ARHGAP17: variants seen among roughly 807,000 people sequenced by gnomAD.
The protein encoded by ARHGAP17 is Rho GTPase activating protein 17.
Under a neutral mutation model 99.5 loss-of-function variants are expected in ARHGAP17, and 57 were observed. The ratio of observed to expected loss-of-function variants is 0.57; its 90% confidence interval spans 0.46 to 0.71. ARHGAP17 has a LOEUF of 0.71. ARHGAP17 is among the 30% of genes least tolerant of loss of function. The pLI is 0.00. For missense variants in ARHGAP17, 1,000 were observed against 1,122.4 expected (o/e 0.89, Z 1.56); for synonymous variants, 417 against 429.6 (o/e 0.97, Z 0.36).
chr16:24,968,638 G>T, intron 5 of ARHGAP17, 23 bp downstream of exon 5: 1 of 1,612,198 alleles, frequency 6.2e-7, no homozygotes, highest in South Asian at 1.1e-5. Flanking sequence ...CGGCTCTTCC[G>T]TGCTGCACGG....
At chr16:24,932,680 C>A (rs1259483804) in intron 18 of ARHGAP17, among the ~76,000 whole-genome samples, 1 of 152,066 alleles carries the variant, frequency 6.6e-6, no homozygotes, top group Non-Finnish European at 1.5e-5. Flanking sequence ...AGAATTATTT[C>A]TCTAAAGAGA....
chr16:24,973,937 G>A (rs2052441854), intron 3 of ARHGAP17, among the ~76,000 whole-genome samples: 1 of 152,224 alleles, frequency 6.6e-6, no homozygotes, highest in African/African-American at 2.4e-5. Flanking sequence ...TTATGTGGCT[G>A]GCACAGGGTG....
intron 1 of ARHGAP17, among the ~76,000 whole-genome samples, chr16:25,008,828 G>T (rs567709317): frequency 2.0e-5 from 3 of 152,206 alleles, no homozygotes; most frequent in East Asian, 3.9e-4. Context: ...CATTTTTATG[G>T]TTTTAGAGTT....
At chr16:24,995,201 A>C (rs2053159323) in intron 1 of ARHGAP17, among the ~76,000 whole-genome samples, 2 of 152,212 alleles carry the variant, frequency 1.3e-5, no homozygotes, top group Admixed American at 1.3e-4. Flanking sequence ...TGGGAACTAC[A>C]ATTCAAGATG....
At chr16:24,970,704 T>C (rs2052337377) in intron 3 of ARHGAP17, 124 bp from the exon 4 acceptor site, 1 of 848,994 alleles carries the variant, frequency 1.2e-6, no homozygotes, top group African/African-American at 1.7e-5. Context: ...AGACAGCCTG[T>C]CTGGGTTCAG....
At position 24,939,536 on chromosome 16, in the gene ARHGAP17, GCTTT is replaced by G. The variant is rs756167651; in HGVS notation, c.1548_1551del (p.Arg516SerfsTer81). The G allele has an allele frequency of 1.9e-6, 3 of 1,608,488 alleles. No individual in the cohort carries two copies. Among genetic ancestry groups the G allele is most frequent in the Admixed American group, 1.7e-5 (1 of 58,896 alleles). ...GGCGGCTGGAAAGCGGGGGATATGT[GCTTT>G]CTATTTAGAGTGCCACCCCGCCGGT... On this transcript the variant is annotated frameshift_variant, in exon 17 of 20. Coordinates refer to ENST00000289968, the MANE Select transcript of ARHGAP17 (RefSeq NM_001006634.3). LOFTEE classifies it high-confidence loss of function.
chr16:24,941,917 A>T lies in ARHGAP17; in HGVS notation c.1490+70T>A, dbSNP rs1176126102. 6.8e-6 allele frequency: 11 copies of T among 1,606,302 alleles called. No homozygotes were observed. In the African/African-American group the frequency reaches 1.3e-4, roughly 20 times the overall value. ...CCACTCTCAAATCCCAAGTCCACTG[A>T]GCGATACCAGATACCACGGGTCTAA... On this transcript the variant is annotated intron_variant, in intron 16 of 19. Transcript: ENST00000289968.
In ARHGAP17 at chr16:24,983,026, AC is replaced by A. The variant is rs2052749998; in HGVS notation, c.54-4022del. Among the ~76,000 whole-genome samples, 7 of 76,466 alleles carry A rather than the reference AC, an allele frequency of 9.2e-5. 1 individual carries two copies. Among genetic ancestry groups the A allele is most frequent in the Non-Finnish European group, 1.1e-4 (5 of 46,552 alleles). The allele number at this position is 76,466 out of a possible 152,430, so 50.2% of individuals were successfully genotyped here. ...TTTTTTTTTTTTTTTTTTTTTTGAG[AC>A]AGGGTCTCGTTCTGTCACCCAGGCT... On this transcript the variant is annotated intron_variant, in intron 1 of 19. Transcript: ENST00000289968.
At chr16:24,978,123 C>T (rs1009126824) in intron 2 of ARHGAP17, among the ~76,000 whole-genome samples, 4 of 152,176 alleles carry the variant, frequency 2.6e-5, no homozygotes, top group Non-Finnish European at 4.4e-5. Flanking sequence ...CCAAATCTTG[C>T]AATGACCAGA....
At chr16:24,993,307 C>T (rs1249393222) in intron 1 of ARHGAP17, among the ~76,000 whole-genome samples, 7 of 152,030 alleles carry the variant, frequency 4.6e-5, no homozygotes, top group African/African-American at 1.7e-4. Context: ...AATGGGCAGC[C>T]GGGCATGGTG....
chr16:24,962,766 CTT>C (rs2141281688), intron 7 of ARHGAP17, among the ~76,000 whole-genome samples: 1 of 152,072 alleles, frequency 6.6e-6, no homozygotes, highest in South Asian at 2.1e-4. Context: ...TTTAAAATGA[CTT>C]AAAAGAAAGA....
chr16:25,014,566 A>G (rs998695589), intron 1 of ARHGAP17, among the ~76,000 whole-genome samples: 3 of 152,206 alleles, frequency 2.0e-5, no homozygotes, highest in African/African-American at 4.8e-5. Context: ...TTTTCCGCCA[A>G]TTCCTAATTT....
At chr16:24,938,774 A>G (rs1298196351) in intron 17 of ARHGAP17, among the ~76,000 whole-genome samples, 8 of 104,436 alleles carry the variant, frequency 7.7e-5, no homozygotes, top group East Asian at 4.1e-4. Flanking sequence ...GCAGTCTCAG[A>G]AAAAAAAAAA....
chr16:24,991,044 A>G (rs74013611), intron 1 of ARHGAP17, among the ~76,000 whole-genome samples: 7,604 of 152,218 alleles, frequency 0.05, 530 homozygotes, highest in African/African-American at 0.16. Flanking sequence ...ACTCAGTTGT[A>G]AAAAACAGAG....
At position 25,008,661 on chromosome 16, in the gene ARHGAP17, G is replaced by A. The variant is rs548632024; in HGVS notation, c.53+6548C>T. The stretch of plus-strand genomic sequence containing the variant: ...TGCACGTACTGACTGCAGCGCCCTA[G>A]GCCATAATCAAACTTGGAAGGTTTT... On this transcript the variant is annotated intron_variant, in intron 1 of 19. Transcript: ENST00000289968. Among the ~76,000 whole-genome samples the A allele has an allele frequency of 2.0e-5, 3 of 152,282 alleles. 1 individual carries two copies. In the South Asian group the frequency reaches 6.2e-4, roughly 32 times the overall value.
chr16:24,938,013 G>A (rs917098568), intron 17 of ARHGAP17, among the ~76,000 whole-genome samples: 2 of 152,138 alleles, frequency 1.3e-5, no homozygotes, highest in South Asian at 2.1e-4. Context: ...AGTAGCCTCT[G>A]GTGGTCATCT....
At chr16:24,941,763 G>C in intron 16 of ARHGAP17, 1 of 576,244 alleles carries the variant, frequency 1.7e-6, no homozygotes, top group South Asian at 2.0e-5. Context: ...AAGTTAAGCT[G>C]GAATACACGT....
At chr16:24,971,849 T>C (rs982482803) in intron 3 of ARHGAP17, among the ~76,000 whole-genome samples, 1 of 152,204 alleles carries the variant, frequency 6.6e-6, no homozygotes, top group Non-Finnish European at 1.5e-5. Context: ...TCAAGTGGCC[T>C]GGCCAGGCAT....
intron 6 of ARHGAP17, among the ~76,000 whole-genome samples, chr16:24,966,840 T>A (rs2052201570): frequency 6.6e-6 from 1 of 152,106 alleles, no homozygotes; most frequent in Non-Finnish European, 1.5e-5. Flanking sequence ...CAATGTATGC[T>A]CCTGAAGGCA....
Sources: allele counts gnomAD v4.1 joint callset (sites outside exome capture counted in the v4.1 genomes callset), GRCh38; gene constraint gnomAD v4.1.1; transcripts MANE v1.5; gene names NCBI Gene and HGNC (gene_info 2026-07-23, HGNC 2026-07-21).